The following LMTK2 variants were observed in gnomAD, a reference collection of about 807,000 sequenced individuals.
LMTK2 encodes the protein serine/threonine-protein kinase LMTK2.
Under a neutral mutation model 127.5 loss-of-function variants are expected in LMTK2, and 37 were observed. That is an observed-to-expected ratio of 0.29 (90% CI 0.22 to 0.38). The LOEUF is 0.38. LMTK2 is among the 10% of genes least tolerant of loss of function. The pLI is 1.00. For missense variants in LMTK2, 1,694 were observed against 1,920.3 expected, an observed-to-expected ratio of 0.88 and a Z score of 2.20; for synonymous variants, 819 against 810.1, an observed-to-expected ratio of 1.01 and a Z score of -0.19.
intron 9 of LMTK2, among the ~76,000 whole-genome samples, chr7:98,189,886 G>A (rs2116456603): frequency 6.6e-6 from 1 of 152,276 alleles, no homozygotes; most frequent in South Asian, 2.1e-4. Flanking sequence ...CCACGATACT[G>A]AGGAGTAACT....
chr7:98,149,719 A>G (rs1796824319), intron 3 of LMTK2, among the ~76,000 whole-genome samples: 1 of 152,254 alleles, frequency 6.6e-6, no homozygotes, highest in African/African-American at 2.4e-5. Context: ...ATTAGATAGG[A>G]CACTAAAAGC....
chr7:98,191,917 C>G lies in LMTK2; in HGVS notation c.1452C>G (p.Asp484Glu), dbSNP rs766908701. Residue 484 changes from aspartate (D) to glutamate (E), a missense_variant, in exon 11 of 14, where the codon GAC (aspartate) becomes GAG (glutamate). This residue lies in a region of LMTK2 where 216 missense variants were observed against 266.8 expected (regional missense o/e 0.81). Transcript: ENST00000297293. ...ATGTCTGGGAGGCCGCTAAGCACGA[C>G]CACTTTGACGAGCGCAGCCGGGGCC... ...FEYVWEAAKH[D>E]HFDERSRGHL... 6.2e-7 allele frequency: 1 copy of G among 1,614,160 alleles called. No individual in the cohort carries two copies. Among genetic ancestry groups the G allele is most frequent in the South Asian group, 1.1e-5 (1 of 91,082 alleles).
intron 11 of LMTK2, among the ~76,000 whole-genome samples, chr7:98,199,683 T>C (rs1797679361): frequency 6.6e-6 from 1 of 152,104 alleles, no homozygotes; most frequent in African/African-American, 2.4e-5. Context: ...TTTGTAGAGA[T>C]GGGGTTTCAC....
intron 4 of LMTK2, among the ~76,000 whole-genome samples, chr7:98,154,104 C>T (rs1796893917): frequency 1.3e-5 from 2 of 152,154 alleles, no homozygotes; most frequent in African/African-American, 4.8e-5. Flanking sequence ...GCATTTTCAT[C>T]TTGCACTTTG....
chr7:98,151,597 G>C (rs2116387647), intron 4 of LMTK2, 142 bp downstream of exon 4: 1 of 632,956 alleles, frequency 1.6e-6, no homozygotes, highest in South Asian at 2.3e-5. Flanking sequence ...TCCCCCTGTG[G>C]CAGCGTGGGG....
intron 2 of LMTK2, among the ~76,000 whole-genome samples, 167 bp downstream of exon 2, chr7:98,137,609 C>T (rs1025591935): frequency 6.6e-6 from 1 of 152,160 alleles, no homozygotes; most frequent in African/African-American, 2.4e-5. Context: ...TATTGTGGGC[C>T]ATACAGTCTC....
At chr7:98,128,297 C>T (rs765243531) in intron 1 of LMTK2, among the ~76,000 whole-genome samples, 5 of 152,116 alleles carry the variant, frequency 3.3e-5, no homozygotes, top group South Asian at 2.1e-4. Context: ...GAGGGCGGGC[C>T]GTAGTCCATT....
At chr7:98,148,601 AT>A (rs1281411359) in intron 3 of LMTK2, among the ~76,000 whole-genome samples, 1 of 151,998 alleles carries the variant, frequency 6.6e-6, no homozygotes, top group East Asian at 1.9e-4. Context: ...CCGTTTGTTC[AT>A]TTTTACCTGT....
At chr7:98,202,341 G>GTT (rs1482491986) in intron 11 of LMTK2, among the ~76,000 whole-genome samples, 1 of 152,144 alleles carries the variant, frequency 6.6e-6, no homozygotes, top group Non-Finnish European at 1.5e-5. Context: ...TGGTAAGAGT[G>GTT]TTTCCCCTTA....
At chr7:98,123,331 C>T (rs1471973899) in intron 1 of LMTK2, among the ~76,000 whole-genome samples, 1 of 149,874 alleles carries the variant, frequency 6.7e-6, no homozygotes, top group African/African-American at 2.5e-5. Context: ...TTTATGGCTA[C>T]AGACATTGTT....
In LMTK2 at chr7:98,206,210, T is replaced by C. The variant is rs1006242740; in HGVS notation, c.*718T>C. The C allele has an allele frequency of 6.6e-6, 1 of 152,270 alleles. No homozygotes were observed. The highest frequency in any genetic ancestry group is 2.4e-5 in the African/African-American group (1 of 41,464). The allele number at this position is 152,270 out of a possible 1,614,324, so 9.4% of individuals were successfully genotyped here. A position where few individuals can be genotyped will look rare whatever the true frequency, so the allele number is the denominator to read the frequency against. On this transcript the variant is annotated 3_prime_UTR_variant, in exon 14 of 14. Transcript: ENST00000297293. ...AATGATAAATGATTCTGAATGTTAGTGTTTTATGTTCATATAGGAAATATT... is the reference window on the plus strand; with the variant it reads ...AATGATAAATGATTCTGAATGTTAGCGTTTTATGTTCATATAGGAAATATT...
chr7:98,145,957 C>T (rs73710379), intron 3 of LMTK2, among the ~76,000 whole-genome samples: 13 of 152,256 alleles, frequency 8.5e-5, no homozygotes, highest in African/African-American at 3.1e-4. Context: ...GCTCTTGCTC[C>T]TTGATCTATT....
chr7:98,188,229 C>T (rs573009374), intron 9 of LMTK2, among the ~76,000 whole-genome samples: 3 of 152,162 alleles, frequency 2.0e-5, no homozygotes, highest in East Asian at 1.9e-4. Context: ...TTATCTTCCA[C>T]GAGTGATGAG....
chr7:98,163,920 C>T (rs79011909), intron 6 of LMTK2, among the ~76,000 whole-genome samples: 1 of 152,242 alleles, frequency 6.6e-6, no homozygotes, highest in Admixed American at 6.5e-5. Context: ...CTATCGCTGC[C>T]TGTCTTAGCA....
At chr7:98,186,502 G>A (rs925704543) in intron 8 of LMTK2, among the ~76,000 whole-genome samples, 4 of 152,162 alleles carry the variant, frequency 2.6e-5, no homozygotes, top group African/African-American at 9.7e-5. Context: ...TCAAACCCCG[G>A]TCTGTCAGAG....
intron 7 of LMTK2, among the ~76,000 whole-genome samples, chr7:98,172,357 T>C (rs1797207166): frequency 6.8e-6 from 1 of 146,156 alleles, no homozygotes; most frequent in South Asian, 2.1e-4. Context: ...CAGGCAGGAG[T>C]GCAGTGGCAC....
intron 11 of LMTK2, among the ~76,000 whole-genome samples, chr7:98,197,007 A>G (rs192433911): frequency 9.2e-5 from 14 of 152,338 alleles, no homozygotes; most frequent in Admixed American, 3.9e-4. Context: ...TTCTTTTTTA[A>G]TGAGCTGGTT....
rs1584304741 is a variant in LMTK2 at position 98,205,484 on chromosome 7, A to G, written c.4504A>G (p.Lys1502Glu). ...AACAGGAAGCAGCGAAGACGGAGAA[A>G]AGGACTAGGTGGCTGCCAACGCGCA... is the stretch of plus-strand genomic sequence containing the variant. ...EQGGSSEDGE[K>E]D Residue 1502 changes from lysine to glutamate, a missense_variant, in exon 14 of 14, where the codon AAG (lysine) becomes GAG (glutamate). Around this residue, in one of 8 missense-constraint regions of LMTK2, gnomAD observed 554 missense variants for 567.7 expected, o/e 0.98. Coordinates refer to ENST00000297293, the MANE Select transcript of LMTK2 (RefSeq NM_014916.4). 2 of 1,613,418 alleles carry G rather than the reference A, an allele frequency of 1.2e-6. No individual in the cohort carries two copies. The highest frequency in any genetic ancestry group is 8.5e-7 in the Non-Finnish European group (1 of 1,180,032).
intron 3 of LMTK2, among the ~76,000 whole-genome samples, chr7:98,150,320 A>G (rs1394456415): frequency 6.6e-6 from 1 of 151,762 alleles, no homozygotes; most frequent in Non-Finnish European, 1.5e-5. Flanking sequence ...AAAAAAAAAA[A>G]AAGGAAAAAT....
Sources: allele counts gnomAD v4.1 joint callset (sites outside exome capture counted in the v4.1 genomes callset), GRCh38; gene constraint gnomAD v4.1.1; regional missense constraint gnomAD v4.1.1; transcripts MANE v1.5; gene names NCBI Gene and HGNC (gene_info 2026-07-23, HGNC 2026-07-21).